Variants in ZFPM2 observed in about 807,000 individuals in gnomAD.
ZFPM2 encodes the protein zinc finger protein ZFPM2.
A neutral mutation model predicts 98.6 loss-of-function variants in ZFPM2; 20 were observed. That is an observed-to-expected ratio of 0.20 (90% confidence interval 0.14 to 0.29). The LOEUF is 0.29. Ranked by LOEUF, ZFPM2 falls within the 10% of genes least tolerant of loss-of-function variation. The pLI is 1.00. For synonymous variants in ZFPM2, 518 were observed against 502.7 expected (o/e 1.03, Z -0.41); for missense variants, 1,310 against 1,388.6 (o/e 0.94, Z 0.90).
chr8:105,762,453 G>A (rs201581885), intron 5 of ZFPM2, among the ~76,000 whole-genome samples: 15 of 151,842 alleles, frequency 9.9e-5, no homozygotes, highest in South Asian at 4.2e-4. Context: ...AGCTCACTCC[G>A]CTATCTGTCC....
chr8:105,478,422 T>G (rs1237784974), intron 3 of ZFPM2, among the ~76,000 whole-genome samples: 1 of 152,184 alleles, frequency 6.6e-6, no homozygotes, highest in Non-Finnish European at 1.5e-5. Flanking sequence ...TCAAAAGAAG[T>G]GATTGTCTTC....
chr8:105,352,959 A>C (rs1812676837), intron 1 of ZFPM2, among the ~76,000 whole-genome samples: 1 of 152,154 alleles, frequency 6.6e-6, no homozygotes, highest in South Asian at 2.1e-4. Flanking sequence ...CAACATTAGC[A>C]CATCAATATG....
intron 5 of ZFPM2, among the ~76,000 whole-genome samples, chr8:105,769,073 T>A (rs1466112663): frequency 6.6e-6 from 1 of 152,020 alleles, no homozygotes; most frequent in Non-Finnish European, 1.5e-5. Flanking sequence ...AAGAAAACGT[T>A]TTAGCTCAGG....
At chr8:105,469,691 G>A (rs974030576) in intron 3 of ZFPM2, among the ~76,000 whole-genome samples, 14 of 152,314 alleles carry the variant, frequency 9.2e-5, no homozygotes, top group African/African-American at 3.1e-4. Context: ...AAATGCTAAA[G>A]TGTGTTGTGA....
intron 1 of ZFPM2, among the ~76,000 whole-genome samples, chr8:105,360,199 C>G (rs1410422321): frequency 6.6e-6 from 1 of 152,184 alleles, no homozygotes. Flanking sequence ...ATTATTATCA[C>G]TTCCACATAT....
chr8:105,679,184 A>C (rs1810543298), intron 5 of ZFPM2, among the ~76,000 whole-genome samples: 1 of 152,204 alleles, frequency 6.6e-6, no homozygotes, highest in Non-Finnish European at 1.5e-5. Flanking sequence ...CCATCATTTA[A>C]AAAAATTCAG....
intron 1 of ZFPM2, among the ~76,000 whole-genome samples, chr8:105,342,557 A>G (rs1242792090): frequency 6.6e-6 from 1 of 152,028 alleles, no homozygotes; most frequent in Non-Finnish European, 1.5e-5. Context: ...CTATTTATCT[A>G]AAGAAAAGAA....
chr8:105,648,148 C>A (rs1417368911), intron 5 of ZFPM2, among the ~76,000 whole-genome samples: 5 of 152,090 alleles, frequency 3.3e-5, no homozygotes, highest in Non-Finnish European at 5.9e-5. Flanking sequence ...GCCTTTTTTC[C>A]TGTGTCTGTT....
chr8:105,716,150 A>G (rs1811517877), intron 5 of ZFPM2, among the ~76,000 whole-genome samples: 1 of 150,472 alleles, frequency 6.6e-6, no homozygotes, highest in Non-Finnish European at 1.5e-5. Context: ...ATTTACATAT[A>G]TACATATAAA....
chr8:105,575,063 A>G (rs1050720773), intron 4 of ZFPM2, among the ~76,000 whole-genome samples: 3 of 152,158 alleles, frequency 2.0e-5, no homozygotes, highest in African/African-American at 4.8e-5. Flanking sequence ...GCATTTCTTC[A>G]AAACTTTGTG....
chr8:105,634,147 T>C, intron 4 of ZFPM2, 99 bp from the exon 5 acceptor site: 1 of 872,880 alleles, frequency 1.1e-6, no homozygotes, highest in Non-Finnish European at 1.8e-6. Context: ...GTTTGGGAGA[T>C]TTAGTTGTTT....
chr8:105,553,383 T>C (rs1814908622), intron 3 of ZFPM2, among the ~76,000 whole-genome samples: 1 of 152,180 alleles, frequency 6.6e-6, no homozygotes, highest in Non-Finnish European at 1.5e-5. Context: ...GCTGTACACA[T>C]TGATTTCTAT....
At position 105,619,758 on chromosome 8, in the gene ZFPM2, A is replaced by G. The variant is rs558951367; in HGVS notation, c.421-14488A>G. ...CAAGTGTTCTTGTTGTTCAGTTCCC[A>G]CCTATGAGTGAGAACATGCGGTGTT... On this transcript the variant is annotated intron_variant, in intron 4 of 7. Coordinates refer to ENST00000407775, the MANE Select transcript of ZFPM2 (RefSeq NM_012082.4). Among the ~76,000 whole-genome samples the G allele has an allele frequency of 3.6e-5, 5 of 137,180 alleles. No homozygotes were observed. The South Asian group carries it at 1.1e-3, about 31-fold the overall frequency. The allele number at this position is 137,180 out of a possible 152,430, so 90.0% of individuals were successfully genotyped here.
intron 4 of ZFPM2, among the ~76,000 whole-genome samples, chr8:105,562,971 G>C (rs1284949044): frequency 6.6e-6 from 1 of 152,176 alleles, no homozygotes; most frequent in Non-Finnish European, 1.5e-5. Flanking sequence ...GATAACACAG[G>C]TGATGAAATT....
At chr8:105,336,816 A>C (rs1812336149) in intron 1 of ZFPM2, among the ~76,000 whole-genome samples, 1 of 151,592 alleles carries the variant, frequency 6.6e-6, no homozygotes, top group Non-Finnish European at 1.5e-5. Flanking sequence ...GATATCTATA[A>C]ACCAGTAAAT....
At chr8:105,350,617 G>A (rs1451248232) in intron 1 of ZFPM2, among the ~76,000 whole-genome samples, 1 of 152,076 alleles carries the variant, frequency 6.6e-6, no homozygotes, top group Admixed American at 6.6e-5. Context: ...AGAAAACTTG[G>A]TAGGCAATTG....
intron 4 of ZFPM2, among the ~76,000 whole-genome samples, chr8:105,623,799 C>A (rs752159360): frequency 1.5e-4 from 23 of 152,064 alleles, no homozygotes; most frequent in Non-Finnish European, 2.6e-4. Context: ...TTAGTATGTA[C>A]CTCTGTTAGA....
At chr8:105,376,375 C>G (rs1586326429) in intron 1 of ZFPM2, among the ~76,000 whole-genome samples, 1 of 152,188 alleles carries the variant, frequency 6.6e-6, no homozygotes, top group Non-Finnish European at 1.5e-5. Context: ...AGGCTGTACT[C>G]TTTCTCCAGG....
intron 4 of ZFPM2, among the ~76,000 whole-genome samples, chr8:105,594,594 T>G (rs978069457): frequency 2.6e-5 from 4 of 152,118 alleles, no homozygotes; most frequent in African/African-American, 9.7e-5. Context: ...GAAGCTGATA[T>G]AGTTCTTCCA....
Sources: gnomAD v4.1 joint callset for allele counts (sites outside exome capture counted in the v4.1 genomes callset) on GRCh38, gnomAD v4.1.1 for gene constraint, MANE v1.5 for transcripts, NCBI Gene and HGNC (gene_info 2026-07-23, HGNC 2026-07-21) for gene names.